Variants in ZNF383 observed in about 807,000 individuals in gnomAD.
The protein encoded by ZNF383 is zinc finger protein 383.
A neutral mutation model predicts 44.2 loss-of-function variants in ZNF383; 32 were observed. The observed-to-expected ratio is 0.72, with a 90% CI of 0.55 to 0.97. The LOEUF is 0.97. ZNF383 is among the 50% of genes least tolerant of loss of function. The pLI is 0.00. For missense variants in ZNF383, 487 were observed against 562.5 expected, an observed-to-expected ratio of 0.87 and a Z score of 1.36; for synonymous variants, 155 against 186.2, an observed-to-expected ratio of 0.83 and a Z score of 1.36.
At chr19:37,238,510 TGAAG>T (rs1213622327) in intron 5 of ZNF383, among the ~76,000 whole-genome samples, 1 of 152,018 alleles carries the variant, frequency 6.6e-6, no homozygotes, top group East Asian at 1.9e-4. Context: ...AGTGAAGACT[TGAAG>T]GAAGTGAGGG....
chr19:37,229,216 G>A (rs770570196), intron 2 of ZNF383, among the ~76,000 whole-genome samples: 5 of 147,568 alleles, frequency 3.4e-5, no homozygotes, highest in Non-Finnish European at 5.9e-5. Flanking sequence ...GTGCAATGGC[G>A]TGATCTCGGC....
At chr19:37,230,196 G>A (rs1973414404) in intron 2 of ZNF383, among the ~76,000 whole-genome samples, 1 of 152,164 alleles carries the variant, frequency 6.6e-6, no homozygotes, top group South Asian at 2.1e-4. Flanking sequence ...TTGTTTGCAT[G>A]AGGGAGAATG....
At chr19:37,223,232 AC>A (rs1292166342) in intron 1 of ZNF383, among the ~76,000 whole-genome samples, 1 of 152,228 alleles carries the variant, frequency 6.6e-6, no homozygotes, top group Non-Finnish European at 1.5e-5. Flanking sequence ...AGAACAGTGT[AC>A]CTTACAACTA....
At chr19:37,229,176 CAG>C (rs1236398959) in intron 2 of ZNF383, among the ~76,000 whole-genome samples, 1 of 117,726 alleles carries the variant, frequency 8.5e-6, no homozygotes, top group African/African-American at 3.4e-5. Context: ...TTTTTTGAGA[CAG>C]AGTTTTGCTC....
intron 1 of ZNF383, among the ~76,000 whole-genome samples, chr19:37,222,407 G>A (rs1036321151): frequency 3.3e-5 from 5 of 151,538 alleles, no homozygotes; most frequent in African/African-American, 7.3e-5. Context: ...AGACAGTTTC[G>A]CTCTTGTTGC....
intron 2 of ZNF383, among the ~76,000 whole-genome samples, chr19:37,229,614 A>ATATGTG (rs1555782475): frequency 1.6e-5 from 2 of 128,804 alleles, no homozygotes; most frequent in African/African-American, 6.0e-5. Flanking sequence ...ATATATATAT[A>ATATGTG]TGTGTGTGTG....
intron 3 of ZNF383, 93 bp downstream of exon 3, chr19:37,230,555 C>A: frequency 7.1e-7 from 1 of 1,407,126 alleles, no homozygotes; most frequent in Non-Finnish European, 9.9e-7. Context: ...ACATTTCTGG[C>A]TAACAGAGTT....
At chr19:37,232,827 G>C (rs1973564803) in intron 3 of ZNF383, among the ~76,000 whole-genome samples, 1 of 152,174 alleles carries the variant, frequency 6.6e-6, no homozygotes, top group Non-Finnish European at 1.5e-5. Flanking sequence ...TTAAAATAGT[G>C]TTGTGAACTC....
In ZNF383 at chr19:37,243,555, A is replaced by G; in HGVS notation, c.1319A>G (p.His440Arg). 1 of 1,614,132 alleles carries G rather than the reference A, an allele frequency of 6.2e-7. No homozygotes were observed. The highest frequency in any genetic ancestry group is 8.5e-7 in the Non-Finnish European group (1 of 1,180,004). ...AATAAATGCTCAAACCTTACTCGAC[A>G]TCTGAGAATTCACACTGGTGAAAAG... ...AFNKCSNLTR[H>R]LRIHTGEKPY... The change falls in exon 6 of 6, where the codon CAT (histidine) becomes CGT (arginine). Residue 440 changes from histidine to arginine, a missense_variant. Coordinates refer to ENST00000684119, the MANE Select transcript of ZNF383 (RefSeq NM_001387601.1).
intron 1 of ZNF383, among the ~76,000 whole-genome samples, chr19:37,221,110 A>G (rs1599777692): frequency 6.6e-6 from 1 of 152,182 alleles, no homozygotes; most frequent in East Asian, 1.9e-4. Flanking sequence ...TATGTTTTGC[A>G]TCTTTAAATT....
intron 5 of ZNF383, among the ~76,000 whole-genome samples, chr19:37,242,241 T>A (rs914472354): frequency 6.6e-6 from 1 of 151,566 alleles, no homozygotes; most frequent in Non-Finnish European, 1.5e-5. Context: ...TATTTGAGTA[T>A]CATTGTAGTA....
At chr19:37,229,524 T>C (rs1973353235) in intron 2 of ZNF383, among the ~76,000 whole-genome samples, 1 of 143,894 alleles carries the variant, frequency 6.9e-6, no homozygotes, top group South Asian at 2.3e-4. Flanking sequence ...GATGGCACAA[T>C]CTCAGCTCAC....
intron 3 of ZNF383, 111 bp from the exon 4 acceptor site, chr19:37,235,438 C>T (rs899911405): frequency 9.4e-7 from 1 of 1,061,154 alleles, no homozygotes; most frequent in Non-Finnish European, 1.4e-6. Context: ...GATACAGGTT[C>T]TCAGTGACAC....
chr19:37,242,041 G>A (rs866753607), intron 5 of ZNF383, among the ~76,000 whole-genome samples: 1 of 920 alleles, frequency 1.1e-3, no homozygotes, highest in African/African-American at 4.7e-3. Flanking sequence ...ACTATATATA[G>A]TATAGATACT....
Position 37,235,987 on chromosome 19 carries a change from A to C in ZNF383, c.145A>C (p.Thr49Pro). 1 of 1,612,118 alleles carries C rather than the reference A, an allele frequency of 6.2e-7. No individual in the cohort carries two copies. Among genetic ancestry groups the C allele is most frequent in the Non-Finnish European group, 8.5e-7 (1 of 1,179,224 alleles). Residue 49 changes from threonine (T) to proline (P), a missense_variant, in exon 5 of 6, where the codon ACT becomes CCT. Coordinates refer to ENST00000684119, the MANE Select transcript of ZNF383 (RefSeq NM_001387601.1). Reference sequence around the variant, plus strand: ...TCTTTTCTCGTGAGCAGGACTTTACACTCCTAAGCCTCAAGTGATCTCCTT... The same window carrying C: ...TCTTTTCTCGTGAGCAGGACTTTACCCTCCTAAGCCTCAAGTGATCTCCTT... Reference protein sequence around the residue: ...YGNLVSMGLYTPKPQVISLLE... With the variant: ...YGNLVSMGLYPPKPQVISLLE...
rs1464879415 is a variant in ZNF383, at chr19:37,245,356, C to T, written c.*1692C>T. 8 of 152,186 alleles carry T rather than the reference C, an allele frequency of 5.3e-5. No homozygotes were observed. The highest frequency in any genetic ancestry group is 1.2e-4 in the Non-Finnish European group (8 of 68,036). The allele number at this position is 152,186 out of a possible 1,614,324, so 9.4% of individuals were successfully genotyped here. A position where few individuals can be genotyped will look rare whatever the true frequency, so the allele number is the denominator to read the frequency against. ...TTATTTTAATTGCTAAAATTATCTACATTTTCTCCTTGTGAGCTGTTTTGT... is the reference window on the plus strand; with the variant it reads ...TTATTTTAATTGCTAAAATTATCTATATTTTCTCCTTGTGAGCTGTTTTGT... On this transcript the variant is annotated 3_prime_UTR_variant, in exon 6 of 6. Transcript: ENST00000684119.
chr19:37,243,245 C>A lies in ZNF383; in HGVS notation c.1009C>A (p.Pro337Thr). The change falls in exon 6 of 6, where the codon CCC (proline) becomes ACC (threonine). Residue 337 changes from proline (P) to threonine (T), a missense_variant. Pro to Thr is a conservative substitution (Grantham distance 38). Coordinates refer to ENST00000684119, the MANE Select transcript of ZNF383 (RefSeq NM_001387601.1). ...TCAGAGAATTCATACTGGTGAGAAA[C>A]CCTATGAGTGCAAGGAATGTGGCAA... is the stretch of plus-strand genomic sequence containing the variant. The part of the protein sequence containing the change: ...QHQRIHTGEK[P>T]YECKECGKAF... The A allele has an allele frequency of 6.2e-7, 1 of 1,614,032 alleles. No individual in the cohort carries two copies. The highest frequency in any genetic ancestry group is 8.5e-7 in the Non-Finnish European group (1 of 1,179,946).
At chr19:37,221,592 A>G (rs1227153882) in intron 1 of ZNF383, among the ~76,000 whole-genome samples, 2 of 152,020 alleles carry the variant, frequency 1.3e-5, no homozygotes, top group African/African-American at 2.4e-5. Context: ...AAATATATAT[A>G]TATACCATAC....
chr19:37,234,555 A>T (rs1469067811), intron 3 of ZNF383, among the ~76,000 whole-genome samples: 1 of 151,912 alleles, frequency 6.6e-6, no homozygotes, highest in Non-Finnish European at 1.5e-5. Context: ...ACGCCTGGCT[A>T]ATTTTTTTGT....
Sources: allele counts gnomAD v4.1 joint callset (sites outside exome capture counted in the v4.1 genomes callset), GRCh38; gene constraint gnomAD v4.1.1; transcripts MANE v1.5; gene names NCBI Gene and HGNC (gene_info 2026-07-23, HGNC 2026-07-21).